Variants in MPV17 observed in about 807,000 individuals in gnomAD.
MPV17 encodes MPV17, mitochondrial inner membrane protein.
In MPV17, 31 loss-of-function variants were observed where a neutral mutation model predicts 28.6. The ratio of observed to expected loss-of-function variants is 1.08; its 90% CI spans 0.81 to 1.46. The LOEUF is 1.46. Ranked by LOEUF, MPV17 falls within the 40% of genes most tolerant of loss-of-function variation. The pLI is 0.00. For synonymous variants in MPV17, 87 were observed against 85.3 expected, an observed-to-expected ratio of 1.02 and a Z score of -0.11; for missense variants, 198 against 216.2, an observed-to-expected ratio of 0.92 and a Z score of 0.53.
chr2:27,312,404 AC>A (rs1222560332), intron 5 of MPV17, 89 bp downstream of exon 5: 1 of 1,479,356 alleles, frequency 6.8e-7, no homozygotes, highest in Non-Finnish European at 9.5e-7. Flanking sequence ...ACCTGCACTT[AC>A]CCCCTTTTTT....
Position 27,319,794 on chromosome 2 carries a change from T to C in MPV17, c.70+2654A>G, listed in dbSNP as rs148209472. The stretch of plus-strand genomic sequence containing the variant: ...ACAAAAAAGTAGCCTGGTGTGGTGC[T>C]GTGCACTTGTAGTCCCAGCTACTCA... On this transcript the variant is annotated intron_variant, in intron 2 of 7. Transcript: ENST00000380044. 1.2e-3 allele frequency among the ~76,000 whole-genome samples: 177 copies of C among 150,702 alleles called. 3 individuals are homozygous for C. The East Asian group carries it at 0.031, about 27-fold the overall frequency.
Position 27,313,017 on chromosome 2 carries a change from C to T in MPV17, c.163G>A (p.Val55Met), listed in dbSNP as rs746498319. ...EHQRGRTLTM[V>M]SLGCGFVGPV... The stretch of plus-strand genomic sequence containing the variant: ...ACCACAAAGCCACAGCCCAGGGACA[C>T]CATGGTCAGAGTCCGGCCTCTCTGG... Residue 55 changes from valine to methionine, a missense_variant, in exon 3 of 8, where the codon GTG becomes ATG. By Grantham distance (21) the Val-to-Met change is conservative. Transcript: ENST00000380044. The T allele has an allele frequency of 6.2e-7, 1 of 1,614,222 alleles. No individual in the cohort carries two copies.
chr2:27,314,743 C>T (rs1679587210), intron 2 of MPV17, among the ~76,000 whole-genome samples: 2 of 152,206 alleles, frequency 1.3e-5, no homozygotes, highest in Admixed American at 1.3e-4. Context: ...AATGAGAGCC[C>T]CCCTCCAGAC....
rs1679687522 is a variant in MPV17 at position 27,317,166 on chromosome 2, C to T, written c.71-4057G>A. On this transcript the variant is annotated intron_variant, in intron 2 of 7. Transcript: ENST00000380044. The surrounding 1 kb of genome is among the most constrained non-coding windows in gnomAD (Gnocchi z 4.0). ...GGAGCAGGAAGCGTGTCCTTCAGTC[C>T]AGGAGGCCTGGGTCGGCAGGTATAG... The T allele has an allele frequency of 1.3e-6, 2 of 1,550,158 alleles. No homozygotes were observed. Among genetic ancestry groups the T allele is most frequent in the Non-Finnish European group, 1.7e-6 (2 of 1,146,938 alleles).
Position 27,309,514 on chromosome 2 carries a change from C to A in MPV17, c.*398G>T. ...AGATTCCGGATTACATATTTAATAA[C>A]ATATTTACTGAGGCACCATATAAAG... On this transcript the variant is annotated 3_prime_UTR_variant, in exon 8 of 8. Transcript: ENST00000380044. 1 of 323,448 alleles carries A rather than the reference C, an allele frequency of 3.1e-6. No individual in the cohort carries two copies. 20.0% of individuals were successfully genotyped at this position (323,448 alleles called of 1,614,324 possible). A position where few individuals can be genotyped will look rare whatever the true frequency, so the allele number is the denominator to read the frequency against.
Position 27,317,041 on chromosome 2 carries a change from A to C in MPV17, c.71-3932T>G. ...CCCTCTTCCCGGGCATGGGCAGGGT[A>C]AATTCCCTACTTCTCCTATTTTGTT... On this transcript the variant is annotated intron_variant, in intron 2 of 7. Transcript: ENST00000380044. The surrounding 1 kb of genome is among the most constrained non-coding windows in gnomAD (Gnocchi z 4.0). 1 of 1,522,838 alleles carries C rather than the reference A, an allele frequency of 6.6e-7. No homozygotes were observed. Among genetic ancestry groups the C allele is most frequent in the Non-Finnish European group, 8.8e-7 (1 of 1,131,074 alleles). 94.3% of individuals were successfully genotyped at this position (1,522,838 alleles called of 1,614,324 possible). A position where few individuals can be genotyped will look rare whatever the true frequency, so the allele number is the denominator to read the frequency against.
At chr2:27,322,569 C>A (rs1377058798) in intron 1 of MPV17, 47 bp from the exon 2 acceptor site, 13 of 1,526,254 alleles carry the variant, frequency 8.5e-6, no homozygotes, top group Non-Finnish European at 1.2e-5. Context: ...TCCCTCTCCA[C>A]GACTAAGAAG....
intron 6 of MPV17, 47 bp downstream of exon 6, chr2:27,312,167 A>G (rs368503416): frequency 6.3e-7 from 1 of 1,599,080 alleles, no homozygotes; most frequent in Non-Finnish European, 8.6e-7. Context: ...GGACAGTTCT[A>G]GACTTAAGGA....
intron 2 of MPV17, among the ~76,000 whole-genome samples, chr2:27,321,122 A>T (rs956458257): frequency 2.6e-5 from 4 of 152,038 alleles, no homozygotes; most frequent in African/African-American, 9.7e-5. Flanking sequence ...AGGTAGGGAA[A>T]TATAAGGACT....
In MPV17 at chr2:27,317,423, A is replaced by T. The variant is rs967279736; in HGVS notation, c.71-4314T>A. Among the ~76,000 whole-genome samples, 12 of 152,204 alleles carry T rather than the reference A, an allele frequency of 7.9e-5. No homozygotes were observed. Among genetic ancestry groups the T allele is most frequent in the African/African-American group, 2.9e-4 (12 of 41,456 alleles). Reference sequence around the variant, plus strand: ...CGGGTAGTTTTGCAGCTTGTTACGTATCTAAGCTCAGATCAGCTGGGGTTG... The same window carrying T: ...CGGGTAGTTTTGCAGCTTGTTACGTTTCTAAGCTCAGATCAGCTGGGGTTG... On this transcript the variant is annotated intron_variant, in intron 2 of 7. Coordinates refer to ENST00000380044, the MANE Select transcript of MPV17 (RefSeq NM_002437.5). The surrounding 1 kb of genome is among the most constrained non-coding windows in gnomAD (Gnocchi z 4.0).
chr2:27,312,061 T>C, intron 6 of MPV17, 110 bp from the exon 7 acceptor site: 2 of 1,472,840 alleles, frequency 1.4e-6, no homozygotes, highest in East Asian at 2.3e-5. Flanking sequence ...GGTGAACAGT[T>C]GGGTGATGGC....
intron 2 of MPV17, among the ~76,000 whole-genome samples, chr2:27,321,068 T>A (rs1418176029): frequency 1.3e-5 from 2 of 152,216 alleles, no homozygotes; most frequent in African/African-American, 4.8e-5. Context: ...CACCTAGGCC[T>A]CCTTGGAGCT....
intron 2 of MPV17, among the ~76,000 whole-genome samples, chr2:27,313,909 G>A (rs937900450): frequency 1.3e-5 from 2 of 152,030 alleles, no homozygotes; most frequent in African/African-American, 4.8e-5. Flanking sequence ...ATGGGGTTTT[G>A]CCATGTTAGC....
chr2:27,315,315 C>T (rs1237816385), intron 2 of MPV17, among the ~76,000 whole-genome samples: 5 of 152,186 alleles, frequency 3.3e-5, no homozygotes, highest in African/African-American at 1.2e-4. Context: ...TTTGCTCCCA[C>T]CCGCACCCGG....
At position 27,310,617 on chromosome 2, in the gene MPV17, C is replaced by T. The variant is rs115984680; in HGVS notation, c.462-636G>A. Among the ~76,000 whole-genome samples, 903 of 152,296 alleles carry T rather than the reference C, an allele frequency of 5.9e-3. 5 individuals are homozygous for T. The highest frequency in any genetic ancestry group is 0.011 in the Non-Finnish European group (725 of 68,022). On this transcript the variant is annotated intron_variant, in intron 7 of 7. Coordinates refer to ENST00000380044, the MANE Select transcript of MPV17 (RefSeq NM_002437.5). ...TTGTACCAGCTGAGATTTCATCTTCCGAAATGTACGGACTATCATATAAAG... is the reference window on the plus strand; with the variant it reads ...TTGTACCAGCTGAGATTTCATCTTCTGAAATGTACGGACTATCATATAAAG...
At chr2:27,315,251 T>C (rs1679606915) in intron 2 of MPV17, among the ~76,000 whole-genome samples, 2 of 152,208 alleles carry the variant, frequency 1.3e-5, no homozygotes, top group Non-Finnish European at 2.9e-5. Context: ...ATTCTTAAGT[T>C]GCCCAAAGGT....
At chr2:27,320,119 C>A (rs1679802279) in intron 2 of MPV17, among the ~76,000 whole-genome samples, 3 of 150,488 alleles carry the variant, frequency 2.0e-5, no homozygotes, top group African/African-American at 7.3e-5. Flanking sequence ...TGCCTATAAT[C>A]CCAGCTGCTG....
At position 27,313,080 on chromosome 2, in the gene MPV17, A is replaced by G; in HGVS notation, c.100T>C (p.Ser34Pro). ...CCCCGCCTCTCCACCAGCTGCTGTGAGATAATGTCACCCAGGCCCATCAGG... is the reference window on the plus strand; with the variant it reads ...CCCCGCCTCTCCACCAGCTGCTGTGGGATAATGTCACCCAGGCCCATCAGG... ...GSLMGLGDII[S>P]QQLVERRGLQ... The change falls in exon 3 of 8, where the codon TCA (serine) becomes CCA (proline). Residue 34 changes from serine (S) to proline (P), a missense_variant. Ser to Pro is a moderately conservative substitution (Grantham distance 74). Coordinates refer to ENST00000380044, the MANE Select transcript of MPV17 (RefSeq NM_002437.5). The G allele has an allele frequency of 6.2e-7, 1 of 1,614,170 alleles. No individual in the cohort carries two copies. Among genetic ancestry groups the G allele is most frequent in the Non-Finnish European group, 8.5e-7 (1 of 1,180,040 alleles).
chr2:27,316,935 CA>C (rs933564752), intron 2 of MPV17: 25 of 763,756 alleles, frequency 3.3e-5, no homozygotes, highest in Middle Eastern at 3.8e-4. Context: ...ATCCAGCGGC[CA>C]GGGGGAAGGG....
Sources: gnomAD v4.1 joint callset for allele counts (sites outside exome capture counted in the v4.1 genomes callset) on GRCh38, gnomAD v4.1.1 for gene constraint, Gnocchi (gnomAD v3.1) non-coding constraint, MANE v1.5 for transcripts, NCBI Gene and HGNC (gene_info 2026-07-23, HGNC 2026-07-21) for gene names.